FCER1A: variants seen among roughly 807,000 people sequenced by gnomAD.
FCER1A encodes high affinity immunoglobulin epsilon receptor subunit alpha.
Under a neutral mutation model 23.6 loss-of-function variants are expected in FCER1A, and 24 were observed. The observed-to-expected ratio is 1.02, with a 90% CI of 0.74 to 1.43. FCER1A has a LOEUF of 1.43. Among genes scored for constraint, FCER1A ranks in the 40% most tolerant of loss-of-function variants. The probability of loss-of-function intolerance (pLI) is 0.00; values close to 1 mark genes in which losing one functional copy is unlikely to be tolerated. For missense variants in FCER1A, 318 were observed against 294.5 expected (o/e 1.08, Z -0.58); for synonymous variants, 121 against 108.8 (o/e 1.11, Z -0.70).
At chr1:159,292,240 C>T (rs1481255080) in intron 1 of FCER1A, among the ~76,000 whole-genome samples, 1 of 152,104 alleles carries the variant, frequency 6.6e-6, no homozygotes, top group Admixed American at 6.6e-5. Context: ...GGTCTCTCAA[C>T]ATTTTTTTTG....
At position 159,307,955 on chromosome 1, in the gene FCER1A, G is replaced by A. The variant is rs1028467946; in HGVS notation, c.*23G>A. 1 of 1,556,498 alleles carries A rather than the reference G, an allele frequency of 6.4e-7. No individual in the cohort carries two copies. ...TGATATAATTACTCAAGAAATATTT[G>A]CAACATTAGTTTTTTTCCAGCATCA... is the stretch of plus-strand genomic sequence containing the variant. On this transcript the variant is annotated 3_prime_UTR_variant, in exon 5 of 5. Coordinates refer to ENST00000693622, the MANE Select transcript of FCER1A (RefSeq NM_001387280.1).
rs1652526749 is a variant in FCER1A, at chr1:159,304,145, T to C, written c.294T>C (p.Val98=). The C allele has an allele frequency of 6.2e-7, 1 of 1,614,056 alleles. No homozygotes were observed. The highest frequency in any genetic ancestry group is 8.5e-7 in the Non-Finnish European group (1 of 1,179,892). ...AATACAAATGTCAGCACCAACAAGT[T>C]AATGAGAGTGAACCTGTGTACCTGG... ...SGEYKCQHQQ[V]NESEPVYLEV... The change falls in exon 3 of 5, where the codon GTT becomes GTC. Residue 98 remains valine, a synonymous_variant. Transcript: ENST00000693622.
chr1:159,286,323 T>C (rs1391107401), upstream of FCER1A, among the ~76,000 whole-genome samples: 6 of 152,054 alleles, frequency 3.9e-5, no homozygotes, highest in African/African-American at 1.2e-4. Flanking sequence ...AATTTATTGA[T>C]AAATTTTGTC....
Position 159,303,990 on chromosome 1 carries a change from G to T in FCER1A, c.139G>T (p.Val47Leu), listed in dbSNP as rs1483123240. 1 of 1,612,782 alleles carries T rather than the reference G, an allele frequency of 6.2e-7. No individual in the cohort carries two copies. ...GAATAGAATATTTAAAGGAGAGAATGTGACTCTTACATGTAATGGGAACAA... is the reference window on the plus strand; with the variant it reads ...GAATAGAATATTTAAAGGAGAGAATTTGACTCTTACATGTAATGGGAACAA... ...PWNRIFKGEN[V>L]TLTCNGNNFF... The change falls in exon 3 of 5, where the codon GTG becomes TTG. Residue 47 changes from valine (V) to leucine (L), a missense_variant. Physicochemically the swap from Val to Leu is conservative, Grantham distance 32. Coordinates refer to ENST00000693622, the MANE Select transcript of FCER1A (RefSeq NM_001387280.1).
In FCER1A at chr1:159,302,422, A is replaced by G. The variant is rs1652460958; in HGVS notation, c.55+3A>G. 1.2e-6 allele frequency: 2 copies of G among 1,603,540 alleles called. No homozygotes were observed. Among genetic ancestry groups the G allele is most frequent in the Admixed American group, 1.7e-5 (1 of 59,986 alleles). On this transcript the variant is annotated splice_donor_region_variant and intron_variant, in intron 1 of 4. Coordinates refer to ENST00000693622, the MANE Select transcript of FCER1A (RefSeq NM_001387280.1). ...GTGTGTAGCCTTACTGTTCTTCGGT[A>G]AGTAGAGATTCAATTACCCCTCCCA...
chr1:159,299,820 C>T (rs1004327294), upstream of FCER1A, among the ~76,000 whole-genome samples: 1 of 151,910 alleles, frequency 6.6e-6, no homozygotes, highest in African/African-American at 2.4e-5. Flanking sequence ...GTGTATCAGC[C>T]CGTTCTTCCA....
intron 3 of FCER1A, among the ~76,000 whole-genome samples, chr1:159,304,481 C>T (rs1026990843): frequency 6.6e-6 from 1 of 152,062 alleles, no homozygotes; most frequent in Non-Finnish European, 1.5e-5. Context: ...GTGGTGGGCA[C>T]CTGTAGTCCC....
upstream of FCER1A, among the ~76,000 whole-genome samples, chr1:159,298,061 T>C (rs976116062): frequency 1.3e-5 from 2 of 152,174 alleles, no homozygotes; most frequent in East Asian, 1.9e-4. Flanking sequence ...TGAAATATAC[T>C]ATTTATAAGG....
At chr1:159,293,037 T>C (rs1266503920) in intron 1 of FCER1A, among the ~76,000 whole-genome samples, 1 of 151,974 alleles carries the variant, frequency 6.6e-6, no homozygotes, top group African/African-American at 2.4e-5. Context: ...TCTCCAGAAC[T>C]TTAAGAAATA....
chr1:159,294,809 T>A (rs556701011), intron 1 of FCER1A, among the ~76,000 whole-genome samples: 22 of 152,314 alleles, frequency 1.4e-4, no homozygotes, highest in African/African-American at 5.3e-4. Flanking sequence ...GCCATTTCTT[T>A]ATTTGTCCAT....
upstream of FCER1A, among the ~76,000 whole-genome samples, chr1:159,285,108 G>GA (rs1651983211): frequency 1.3e-5 from 2 of 152,138 alleles, no homozygotes; most frequent in Non-Finnish European, 2.9e-5. Context: ...GGTGAGTTAG[G>GA]AGGGGAGATG....
At chr1:159,298,128 C>T (rs1318486618), upstream of FCER1A, among the ~76,000 whole-genome samples, 1 of 152,076 alleles carries the variant, frequency 6.6e-6, no homozygotes, top group East Asian at 1.9e-4. Flanking sequence ...GTACCCTTAA[C>T]TACAAGACAC....
At chr1:159,292,501 A>T (rs1035626593) in intron 1 of FCER1A, among the ~76,000 whole-genome samples, 6 of 152,014 alleles carry the variant, frequency 3.9e-5, no homozygotes, top group Non-Finnish European at 7.4e-5. Context: ...CCTCAAACCC[A>T]TCAACTTTTC....
At chr1:159,302,089 GGCTTGTGATTGT>G (rs1269283224), upstream of FCER1A, among the ~76,000 whole-genome samples, 3 of 152,118 alleles carry the variant, frequency 2.0e-5, no homozygotes, top group East Asian at 3.8e-4. Flanking sequence ...GATTAAGAAA[GGCTTGTGATTGT>G]GCTAGACCTA....
chr1:159,288,581 G>A (rs559138434), upstream of FCER1A, among the ~76,000 whole-genome samples: 6 of 152,176 alleles, frequency 3.9e-5, no homozygotes, highest in South Asian at 1.2e-3. Context: ...AGTTAACCTG[G>A]GTTATCAACA....
At chr1:159,290,633 T>A (rs545115928) in intron 1 of FCER1A, among the ~76,000 whole-genome samples, 8 of 152,308 alleles carry the variant, frequency 5.3e-5, no homozygotes, top group African/African-American at 1.9e-4. Flanking sequence ...ATTCACTAGT[T>A]GTATAATCTA....
rs1652513834 is a variant in FCER1A, at chr1:159,303,825, A to G, written c.77-103A>G. The G allele has an allele frequency of 5.8e-6, 5 of 855,308 alleles. No individual in the cohort carries two copies. In the South Asian group the frequency reaches 8.8e-5, roughly 15 times the overall value. The allele number at this position is 855,308 out of a possible 1,614,324, so 53.0% of individuals were successfully genotyped here. On this transcript the variant is annotated intron_variant, in intron 2 of 4. Coordinates refer to ENST00000693622, the MANE Select transcript of FCER1A (RefSeq NM_001387280.1). ...CCAACAGAATAAGGACAGGTTGACC[A>G]CTGATTGTCAGAATATTGCTTCGTT...
intron 1 of FCER1A, among the ~76,000 whole-genome samples, chr1:159,293,473 A>G (rs1222878075): frequency 6.6e-6 from 1 of 151,554 alleles, no homozygotes; most frequent in Non-Finnish European, 1.5e-5. Flanking sequence ...TACATGTGAC[A>G]TGCTGGTGTG....
intron 1 of FCER1A, 141 bp downstream of exon 1, chr1:159,302,560 G>C (rs1012395110): frequency 1.4e-6 from 1 of 739,244 alleles, no homozygotes; most frequent in African/African-American, 1.7e-5. Context: ...CTCTGTAGTG[G>C]AGCCAAGCTA....
Sources: gnomAD v4.1 joint callset for allele counts (sites outside exome capture counted in the v4.1 genomes callset) on GRCh38, gnomAD v4.1.1 for gene constraint, MANE v1.5 for transcripts, NCBI Gene and HGNC (gene_info 2026-07-23, HGNC 2026-07-21) for gene names.